The following SEMA6A variants were observed in gnomAD, a reference collection of about 807,000 sequenced individuals.
SEMA6A encodes the protein semaphorin 6A.
SEMA6A carries 25 observed loss-of-function variants against 96.8 expected under a neutral mutation model. The ratio of observed to expected loss-of-function variants is 0.26; its 90% CI spans 0.19 to 0.36. SEMA6A has a LOEUF of 0.36. Among genes scored for constraint, SEMA6A ranks in the 10% least tolerant of loss-of-function variants. The pLI is 1.00. For missense variants in SEMA6A, 1,363 were observed against 1,323.1 expected, an observed-to-expected ratio of 1.03 and a Z score of -0.47; for synonymous variants, 612 against 518.0, an observed-to-expected ratio of 1.18 and a Z score of -2.46.
intron 15 of SEMA6A, among the ~76,000 whole-genome samples, chr5:116,477,368 A>G (rs1029365914): frequency 2.6e-5 from 4 of 152,232 alleles, no homozygotes; most frequent in Admixed American, 1.3e-4. Flanking sequence ...CAGCGCAGGA[A>G]AAGGTTTATT....
intron 4 of SEMA6A, among the ~76,000 whole-genome samples, chr5:116,496,674 T>C (rs1757618312): frequency 6.6e-6 from 1 of 152,208 alleles, no homozygotes; most frequent in Admixed American, 6.5e-5. Flanking sequence ...TTCCTTTCAG[T>C]TGATAAATCA....
chr5:116,456,883 T>C (rs1755043327), intron 18 of SEMA6A, among the ~76,000 whole-genome samples: 1 of 152,196 alleles, frequency 6.6e-6, no homozygotes, highest in Non-Finnish European at 1.5e-5. Context: ...GAGAATGGTT[T>C]AGGGGATGCC....
intron 17 of SEMA6A, 143 bp from the exon 18 acceptor site, chr5:116,467,890 T>G: frequency 5.4e-6 from 3 of 556,006 alleles, no homozygotes; most frequent in Non-Finnish European, 6.2e-6. Context: ...TTAGTGGTGG[T>G]GGTGGTGGTG....
intron 10 of SEMA6A, among the ~76,000 whole-genome samples, chr5:116,483,046 G>A (rs928552499): frequency 1.3e-5 from 2 of 152,194 alleles, no homozygotes; most frequent in African/African-American, 4.8e-5. Flanking sequence ...CTTAGGGTGT[G>A]AGAATATGTT....
Position 116,446,151 on chromosome 5 carries a change from TTG to T in SEMA6A, c.*460_*461del, listed in dbSNP as rs1289031172. 1 of 156,042 alleles carries T rather than the reference TTG, an allele frequency of 6.4e-6. No homozygotes were observed. The highest frequency in any genetic ancestry group is 1.4e-5 in the Non-Finnish European group (1 of 70,786). 9.7% of individuals were successfully genotyped at this position (156,042 alleles called of 1,614,324 possible). A position where few individuals can be genotyped will look rare whatever the true frequency, so the allele number is the denominator to read the frequency against. On this transcript the variant is annotated 3_prime_UTR_variant, in exon 19 of 19. Transcript: ENST00000343348. ...ATTTTCTTGATTTTAAAAAATGTAT[TTG>T]TGTTTTGCAGGTTGGAACGCAAACC...
At chr5:116,571,670 T>C (rs548275021) in intron 1 of SEMA6A, among the ~76,000 whole-genome samples, 2 of 152,350 alleles carry the variant, frequency 1.3e-5, no homozygotes, top group African/African-American at 4.8e-5. Flanking sequence ...AGTGCAATTA[T>C]TTTTTAATAG....
chr5:116,478,129 T>G lies in SEMA6A; in HGVS notation c.1453A>C (p.Lys485Gln), dbSNP rs567520323. The G allele has an allele frequency of 2.5e-6, 4 of 1,613,970 alleles. No individual in the cohort carries two copies. The East Asian group carries it at 6.7e-5, about 27-fold the overall frequency. The change falls in exon 14 of 19, where the codon AAA becomes CAA. Residue 485 changes from lysine to glutamine, a missense_variant. Physicochemically the swap from Lys to Gln is moderately conservative, Grantham distance 53. Around this residue, in one of 2 missense-constraint regions of SEMA6A, gnomAD observed 883 missense variants for 763.6 expected, o/e 1.16. Transcript: ENST00000343348. ...EKCSYDGVED[K>Q]RIMGMQLDRA... ...TCCAGCTGCATGCCCATGATCCTTT[T>G]GTCTTCGACTCCATCATAGCTGCAT...
At chr5:116,553,267 T>TA (rs1760488725) in intron 1 of SEMA6A, among the ~76,000 whole-genome samples, 1 of 152,214 alleles carries the variant, frequency 6.6e-6, no homozygotes, top group African/African-American at 2.4e-5. Flanking sequence ...AGTATAATCT[T>TA]AGCCAAATTT....
intron 5 of SEMA6A, chr5:116,495,945 T>C: frequency 5.5e-6 from 2 of 361,304 alleles, no homozygotes; most frequent in Non-Finnish European, 1.0e-5. Context: ...CTGTGGGCCT[T>C]GGACTGCGGA....
At chr5:116,572,756 G>A (rs1425039671) in intron 1 of SEMA6A, among the ~76,000 whole-genome samples, 1 of 152,150 alleles carries the variant, frequency 6.6e-6, no homozygotes, top group Non-Finnish European at 1.5e-5. Context: ...AAAGGGCCGG[G>A]ATCTAGCTCC....
At chr5:116,466,463 G>A (rs1008274051) in intron 18 of SEMA6A, among the ~76,000 whole-genome samples, 4 of 151,840 alleles carry the variant, frequency 2.6e-5, no homozygotes, top group East Asian at 1.9e-4. Flanking sequence ...AAGAGGACAC[G>A]CTCAAGAACA....
intron 1 of SEMA6A, among the ~76,000 whole-genome samples, chr5:116,554,359 G>A (rs932651969): frequency 3.3e-5 from 5 of 152,126 alleles, no homozygotes; most frequent in Non-Finnish European, 7.3e-5. Context: ...GTACAAGTAG[G>A]AGCAAGCCCT....
At position 116,527,099 on chromosome 5, in the gene SEMA6A, G is replaced by A. The variant is rs1018428308; in HGVS notation, c.-38-22117C>T. 2.0e-4 allele frequency among the ~76,000 whole-genome samples: 31 copies of A among 152,074 alleles called. 1 individual carries two copies. The highest frequency in any genetic ancestry group is 7.4e-5 in the Non-Finnish European group (5 of 68,018). On this transcript the variant is annotated intron_variant, in intron 1 of 18. Transcript: ENST00000343348. ...ATAAGAACTGAGAAAGATATAGCTG[G>A]CCCCGAATCTCCTGGGTGTGAAAAG... is the stretch of plus-strand genomic sequence containing the variant.
intron 3 of SEMA6A, among the ~76,000 whole-genome samples, 165 bp downstream of exon 3, chr5:116,502,045 A>G (rs558452348): frequency 6.6e-6 from 1 of 152,358 alleles, no homozygotes; most frequent in South Asian, 2.1e-4. Flanking sequence ...AAACAGACAC[A>G]GACAATTTTG....
At chr5:116,570,134 G>A (rs1281220426) in intron 1 of SEMA6A, among the ~76,000 whole-genome samples, 1 of 152,204 alleles carries the variant, frequency 6.6e-6, no homozygotes, top group Non-Finnish European at 1.5e-5. Context: ...TGAGGTTTGT[G>A]TGGTATGACA....
intron 1 of SEMA6A, among the ~76,000 whole-genome samples, chr5:116,513,259 C>T (rs72505612): frequency 0.11 from 16,941 of 152,098 alleles, 1,173 homozygotes; most frequent in East Asian, 0.27. Context: ...TCCTGAGTAG[C>T]TGGGATTATA....
intron 1 of SEMA6A, among the ~76,000 whole-genome samples, chr5:116,565,522 T>G (rs75910614): frequency 0.017 from 2,514 of 152,328 alleles, 34 homozygotes; most frequent in Middle Eastern, 0.031. Context: ...ACAAGTATTC[T>G]TATAAAAATC....
At chr5:116,450,707 C>T (rs975695052) in intron 18 of SEMA6A, among the ~76,000 whole-genome samples, 2 of 152,050 alleles carry the variant, frequency 1.3e-5, no homozygotes, top group African/African-American at 2.4e-5. Flanking sequence ...TTTTTTCCCC[C>T]GTCTCATTTT....
At chr5:116,488,809 G>T in intron 8 of SEMA6A, 79 bp downstream of exon 8, 2 of 1,431,086 alleles carry the variant, frequency 1.4e-6, no homozygotes, top group Non-Finnish European at 1.8e-6. Flanking sequence ...ATACAGTCTG[G>T]TCCCTCCAGA....
Sources: gnomAD v4.1 joint callset for allele counts (sites outside exome capture counted in the v4.1 genomes callset) on GRCh38, gnomAD v4.1.1 for gene constraint, gnomAD v4.1.1 regional missense constraint, MANE v1.5 for transcripts, NCBI Gene and HGNC (gene_info 2026-07-23, HGNC 2026-07-21) for gene names.